The following IGF2BP2 variants were observed in gnomAD, a reference collection of about 807,000 sequenced individuals.
IGF2BP2 encodes the protein insulin-like growth factor 2 mRNA-binding protein 2.
IGF2BP2 carries 17 observed loss-of-function variants against 75.8 expected under a neutral mutation model. The observed-to-expected ratio is 0.22, with a 90% CI of 0.15 to 0.34. The LOEUF is 0.34. Among genes scored for constraint, IGF2BP2 ranks in the 10% least tolerant of loss-of-function variants. IGF2BP2 has a pLI of 1.00. For missense variants in IGF2BP2, 516 were observed against 772.4 expected (o/e 0.67, Z 3.93); for synonymous variants, 288 against 295.6 (o/e 0.97, Z 0.26).
chr3:185,725,432 G>A (rs893558449), intron 2 of IGF2BP2, among the ~76,000 whole-genome samples: 1 of 152,148 alleles, frequency 6.6e-6, no homozygotes, highest in Non-Finnish European at 1.5e-5. Context: ...TGAATATTAG[G>A]GCAGGTGGAG....
chr3:185,810,590 A>G (rs1339164908), intron 2 of IGF2BP2, among the ~76,000 whole-genome samples: 2 of 152,164 alleles, frequency 1.3e-5, no homozygotes, highest in Admixed American at 1.3e-4. Context: ...CCTGGCCAAC[A>G]TGGCGAAACC....
At chr3:185,720,492 A>G (rs945577767) in intron 2 of IGF2BP2, among the ~76,000 whole-genome samples, 2 of 152,164 alleles carry the variant, frequency 1.3e-5, no homozygotes, top group South Asian at 2.1e-4. Context: ...TACTAACATG[A>G]TATCACCAAA....
In IGF2BP2 at chr3:185,818,829, C is replaced by T. The variant is rs112540603; in HGVS notation, c.239+4324G>A. Among the ~76,000 whole-genome samples the T allele has an allele frequency of 5.2e-3, 791 of 152,058 alleles. 4 individuals carry two copies. Among genetic ancestry groups the T allele is most frequent in the Admixed American group, 0.011 (166 of 15,274 alleles). On this transcript the variant is annotated intron_variant, in intron 2 of 15. Coordinates refer to ENST00000382199, the MANE Select transcript of IGF2BP2 (RefSeq NM_006548.6). ...TAATAAATGTGCCTAAGTCACTATC[C>T]TTTTATGCATAATTCAAAATCATTT... is the stretch of plus-strand genomic sequence containing the variant.
intron 10 of IGF2BP2, among the ~76,000 whole-genome samples, chr3:185,659,739 A>G (rs1346913114): frequency 2.0e-5 from 3 of 152,054 alleles, no homozygotes; most frequent in East Asian, 1.9e-4. Context: ...TTTTGTGTCT[A>G]TTCATAAACT....
intron 11 of IGF2BP2, among the ~76,000 whole-genome samples, chr3:185,658,101 C>T (rs1385046805): frequency 6.6e-6 from 1 of 152,218 alleles, no homozygotes; most frequent in Non-Finnish European, 1.5e-5. Context: ...TTCCTGCGAC[C>T]TGTGAGGTGT....
intron 2 of IGF2BP2, among the ~76,000 whole-genome samples, chr3:185,816,509 T>C (rs1740628330): frequency 6.6e-6 from 1 of 152,196 alleles, no homozygotes; most frequent in Non-Finnish European, 1.5e-5. Flanking sequence ...TTCTTCGAAC[T>C]TTACAACACA....
intron 2 of IGF2BP2, among the ~76,000 whole-genome samples, chr3:185,790,975 T>C (rs1736569040): frequency 6.6e-6 from 1 of 152,220 alleles, no homozygotes; most frequent in Non-Finnish European, 1.5e-5. Context: ...TTTTCATCAC[T>C]AGCATTTAAG....
At chr3:185,712,357 A>G (rs1379585627) in intron 2 of IGF2BP2, among the ~76,000 whole-genome samples, 1 of 152,224 alleles carries the variant, frequency 6.6e-6, no homozygotes, top group African/African-American at 2.4e-5. Context: ...CCTAGGGAAC[A>G]ATGACGTAAG....
chr3:185,793,963 T>C (rs1299397758), intron 2 of IGF2BP2, among the ~76,000 whole-genome samples: 1 of 150,330 alleles, frequency 6.7e-6, no homozygotes, highest in African/African-American at 2.5e-5. Context: ...ATTCCTTTTT[T>C]TTTTTTTTTT....
At chr3:185,749,657 T>A (rs1051440168) in intron 2 of IGF2BP2, among the ~76,000 whole-genome samples, 12 of 152,190 alleles carry the variant, frequency 7.9e-5, no homozygotes, top group African/African-American at 2.9e-4. Context: ...CATAACTTCT[T>A]CCGCTGGGTA....
chr3:185,741,528 T>C (rs1729555832), intron 2 of IGF2BP2, among the ~76,000 whole-genome samples: 2 of 152,224 alleles, frequency 1.3e-5, no homozygotes, highest in African/African-American at 4.8e-5. Context: ...CCCTGTCCCA[T>C]GAATAACTGC....
chr3:185,672,361 A>G (rs1248998937), intron 10 of IGF2BP2, among the ~76,000 whole-genome samples, 180 bp downstream of exon 10: 1 of 152,248 alleles, frequency 6.6e-6, no homozygotes, highest in Non-Finnish European at 1.5e-5. Flanking sequence ...TTGGTTTAAT[A>G]TTAAGTTGCC....
rs766651363 is a variant in IGF2BP2 at position 185,810,679 on chromosome 3, CAGG to C, written c.239+12471_239+12473del. On this transcript the variant is annotated intron_variant, in intron 2 of 15. Coordinates refer to ENST00000382199, the MANE Select transcript of IGF2BP2 (RefSeq NM_006548.6). ...AGCCCAGTTACTCAGGAGGCTGAGG[CAGG>C]AGAATTGCTTGAACCCAGGAGGCGG... Among the ~76,000 whole-genome samples, 9 of 151,708 alleles carry C rather than the reference CAGG, an allele frequency of 5.9e-5. No individual in the cohort carries two copies. In the East Asian group the frequency reaches 1.7e-3, roughly 29 times the overall value.
intron 2 of IGF2BP2, among the ~76,000 whole-genome samples, chr3:185,750,066 T>C (rs975156724): frequency 6.6e-6 from 1 of 152,186 alleles, no homozygotes; most frequent in African/African-American, 2.4e-5. Context: ...ACAAGCAAGT[T>C]GCAGGAACCA....
At chr3:185,665,482 A>AGG (rs1717345363) in intron 10 of IGF2BP2, among the ~76,000 whole-genome samples, 1 of 42,630 alleles carries the variant, frequency 2.3e-5, no homozygotes, top group African/African-American at 1.2e-4. Flanking sequence ...GAAGGAGAAG[A>AGG]AGGAGGAGAA....
intron 1 of IGF2BP2, among the ~76,000 whole-genome samples, chr3:185,823,939 C>A (rs1741695996): frequency 6.6e-6 from 1 of 152,142 alleles, no homozygotes; most frequent in East Asian, 1.9e-4. Context: ...TCGCCTCTTT[C>A]CCGGTTCTCA....
intron 7 of IGF2BP2, among the ~76,000 whole-genome samples, chr3:185,685,146 G>A (rs181530382): frequency 5.4e-4 from 82 of 152,176 alleles, no homozygotes; most frequent in Middle Eastern, 3.4e-3. Flanking sequence ...TCAGGAGTTC[G>A]AGACCAGCCT....
At chr3:185,662,727 G>C (rs1232028656) in intron 10 of IGF2BP2, among the ~76,000 whole-genome samples, 2 of 151,786 alleles carry the variant, frequency 1.3e-5, no homozygotes, top group African/African-American at 4.8e-5. Context: ...ATTTTTAGTA[G>C]AGATGGGGTT....
chr3:185,807,738 C>T (rs1739211318), intron 2 of IGF2BP2, among the ~76,000 whole-genome samples: 1 of 152,198 alleles, frequency 6.6e-6, no homozygotes, highest in South Asian at 2.1e-4. Flanking sequence ...TGTCACTCTC[C>T]TTGGCTTTCT....
Sources: allele counts gnomAD v4.1 joint callset (sites outside exome capture counted in the v4.1 genomes callset), GRCh38; gene constraint gnomAD v4.1.1; transcripts MANE v1.5; gene names NCBI Gene and HGNC (gene_info 2026-07-23, HGNC 2026-07-21).